PTPRD: variants seen among roughly 807,000 people sequenced by gnomAD.
PTPRD encodes the protein protein tyrosine phosphatase receptor type D.
Under a neutral mutation model 214.5 loss-of-function variants are expected in PTPRD, and 34 were observed. The observed-to-expected ratio is 0.16, with a 90% CI of 0.12 to 0.21. The LOEUF (loss-of-function observed/expected upper bound fraction) is 0.21, where lower values mean the gene tolerates loss of function less well. Among genes scored for constraint, PTPRD ranks in the 10% least tolerant of loss-of-function variants. The pLI, the probability that PTPRD is intolerant of heterozygous loss-of-function variation, is 1.00. For synonymous variants in PTPRD, 1,128 were observed against 845.7 expected, an observed-to-expected ratio of 1.33 and a Z score of -5.79; for missense variants, 2,545 against 2,398.7, an observed-to-expected ratio of 1.06 and a Z score of -1.27.
intron 5 of PTPRD, among the ~76,000 whole-genome samples, chr9:9,916,956 C>G (rs1196941897): frequency 1.3e-5 from 2 of 151,260 alleles, no homozygotes; most frequent in Non-Finnish European, 3.0e-5. Context: ...AACATGTTCT[C>G]TAATAATGGG....
intron 7 of PTPRD, among the ~76,000 whole-genome samples, chr9:9,642,457 TACTTTC>T (rs1196484157): frequency 6.6e-6 from 1 of 152,200 alleles, no homozygotes; most frequent in African/African-American, 2.4e-5. Context: ...GATGAATGCA[TACTTTC>T]ACCTAGACAT....
chr9:9,655,575 A>AAAACCAAACCAAACCAAACC (rs61637963), intron 7 of PTPRD, among the ~76,000 whole-genome samples: 1 of 121,318 alleles, frequency 8.2e-6, no homozygotes, highest in Non-Finnish European at 1.8e-5. Flanking sequence ...TCTCAAAGGG[A>AAAACCAAACCAAACCAAACC]AAACCAAACC....
intron 2 of PTPRD, among the ~76,000 whole-genome samples, chr9:10,467,203 T>TA (rs1345074947): frequency 6.6e-6 from 1 of 152,172 alleles, no homozygotes; most frequent in East Asian, 1.9e-4. Context: ...TGGGGGCAGA[T>TA]AAAAAACTTG....
intron 10 of PTPRD, among the ~76,000 whole-genome samples, chr9:9,122,570 G>A (rs1266424609): frequency 1.3e-5 from 2 of 152,118 alleles, no homozygotes; most frequent in Non-Finnish European, 2.9e-5. Flanking sequence ...TTAGCTAAAT[G>A]TTTAAGAGGA....
At chr9:9,801,682 T>C (rs1047763009) in intron 5 of PTPRD, among the ~76,000 whole-genome samples, 1 of 152,098 alleles carries the variant, frequency 6.6e-6, no homozygotes, top group Non-Finnish European at 1.5e-5. Context: ...GTTTATAGGG[T>C]AATAATTTCA....
At chr9:9,239,649 A>T (rs967411644) in intron 9 of PTPRD, among the ~76,000 whole-genome samples, 6 of 152,120 alleles carry the variant, frequency 3.9e-5, no homozygotes, top group African/African-American at 1.4e-4. Flanking sequence ...GAAGCCCTGG[A>T]TTTTGGGATC....
At chr9:9,656,826 G>A (rs541821876) in intron 7 of PTPRD, among the ~76,000 whole-genome samples, 4 of 151,762 alleles carry the variant, frequency 2.6e-5, no homozygotes, top group Admixed American at 2.6e-4. Flanking sequence ...TTCTCTGGTG[G>A]GGGATGTTGA....
chr9:10,091,272 G>C (rs1328081553), intron 3 of PTPRD, among the ~76,000 whole-genome samples: 2 of 151,252 alleles, frequency 1.3e-5, no homozygotes, highest in African/African-American at 4.8e-5. Context: ...TGTCTCTCTG[G>C]CAAGATTGGG....
chr9:9,924,019 A>C (rs1366334245), intron 5 of PTPRD, among the ~76,000 whole-genome samples: 2 of 152,108 alleles, frequency 1.3e-5, no homozygotes, highest in Admixed American at 1.3e-4. Context: ...GAAATTTGAA[A>C]TCATCACTAA....
At chr9:9,263,144 C>T (rs938426328) in intron 9 of PTPRD, among the ~76,000 whole-genome samples, 2 of 151,686 alleles carry the variant, frequency 1.3e-5, no homozygotes, top group Admixed American at 6.6e-5. Context: ...TACATTTTGA[C>T]AGACTAATGA....
chr9:8,499,922 G>T, intron 24 of PTPRD, 82 bp from the exon 25 acceptor site: 1 of 1,256,408 alleles, frequency 8.0e-7, no homozygotes, highest in Non-Finnish European at 1.1e-6. Context: ...TCTTTACTTA[G>T]GTTTCTCTTT....
rs577479098 is a variant in PTPRD at position 10,606,741 on chromosome 9, G to T, written c.-600+5657C>A. 5.9e-4 allele frequency among the ~76,000 whole-genome samples: 90 copies of T among 151,926 alleles called. 2 individuals carry two copies. Among genetic ancestry groups the T allele is most frequent in the Non-Finnish European group, 1.9e-4 (13 of 67,816 alleles). On this transcript the variant is annotated intron_variant, in intron 2 of 45. Coordinates refer to ENST00000381196, the MANE Select transcript of PTPRD (RefSeq NM_002839.4). Reference sequence around the variant, plus strand: ...TTACATGTGGGTAGTAGTAAAAAATGCATGTGAACACAATGCTTGCCTGGC... The same window carrying T: ...TTACATGTGGGTAGTAGTAAAAAATTCATGTGAACACAATGCTTGCCTGGC...
At position 9,710,827 on chromosome 9, in the gene PTPRD, T is replaced by C. The variant is rs2097712658; in HGVS notation, c.-287+23706A>G. On this transcript the variant is annotated intron_variant, in intron 7 of 45. Transcript: ENST00000381196. Reference sequence around the variant, plus strand: ...CAGCAGTTTCTAGAATAATGTTATTTCATTCAATACCGTTTGCTAAAAATA... The same window carrying C: ...CAGCAGTTTCTAGAATAATGTTATTCCATTCAATACCGTTTGCTAAAAATA... Among the ~76,000 whole-genome samples the C allele has an allele frequency of 2.6e-5, 4 of 152,248 alleles. No homozygotes were observed. The South Asian group carries it at 8.3e-4, about 32-fold the overall frequency.
intron 14 of PTPRD, among the ~76,000 whole-genome samples, chr9:8,550,412 G>T (rs987773501): frequency 6.6e-6 from 1 of 152,192 alleles, no homozygotes; most frequent in Non-Finnish European, 1.5e-5. Context: ...GCTACTACTA[G>T]ATTGTATGAG....
At chr9:9,127,644 T>G (rs936779940) in intron 10 of PTPRD, among the ~76,000 whole-genome samples, 1 of 152,204 alleles carries the variant, frequency 6.6e-6, no homozygotes. Flanking sequence ...CATTCAGATA[T>G]ATGCTAAATA....
chr9:9,901,706 G>A (rs1265050933), intron 5 of PTPRD, among the ~76,000 whole-genome samples: 1 of 152,030 alleles, frequency 6.6e-6, no homozygotes, highest in African/African-American at 2.4e-5. Flanking sequence ...CTTGAGATTG[G>A]GTAGTTTACA....
chr9:8,457,801 A>C (rs1438653614), intron 33 of PTPRD, among the ~76,000 whole-genome samples: 1 of 152,140 alleles, frequency 6.6e-6, no homozygotes, highest in Non-Finnish European at 1.5e-5. Context: ...AATAATAATA[A>C]TAATAATACT....
intron 5 of PTPRD, among the ~76,000 whole-genome samples, chr9:9,847,361 T>C (rs919874782): frequency 6.6e-6 from 1 of 152,146 alleles, no homozygotes; most frequent in African/African-American, 2.4e-5. Flanking sequence ...ATGAGTACCA[T>C]CTGCAGGATT....
intron 8 of PTPRD, among the ~76,000 whole-genome samples, chr9:9,507,408 T>C: frequency 6.6e-6 from 1 of 151,110 alleles, no homozygotes; most frequent in African/African-American, 2.4e-5. Flanking sequence ...AATAAAAATG[T>C]AAGGCTTTGT....
Sources: gnomAD v4.1 joint callset for allele counts (sites outside exome capture counted in the v4.1 genomes callset) on GRCh38, gnomAD v4.1.1 for gene constraint, MANE v1.5 for transcripts, NCBI Gene and HGNC (gene_info 2026-07-23, HGNC 2026-07-21) for gene names.